Variants in BCORL1 observed in about 807,000 individuals in gnomAD.
BCORL1 encodes the protein BCL6 corepressor like 1.
BCORL1 carries 7 observed loss-of-function variants against 87.6 expected under a neutral mutation model. The ratio of observed to expected loss-of-function variants is 0.08; its 90% CI spans 0.05 to 0.15. The LOEUF is 0.15. Among genes scored for constraint, BCORL1 ranks in the 10% least tolerant of loss-of-function variants. BCORL1 has a pLI of 1.00. For missense variants in BCORL1, 1,215 were observed against 1,499.7 expected, an observed-to-expected ratio of 0.81 and a Z score of 3.13; for synonymous variants, 591 against 634.4, an observed-to-expected ratio of 0.93 and a Z score of 1.03.
chrX:130,004,350 T>C (rs1408762064), intron 1 of BCORL1, among the ~76,000 whole-genome samples: 1 of 106,403 alleles, frequency 9.4e-6, no homozygotes, highest in Admixed American at 1.0e-4. Context: ...GTTCAAGCGA[T>C]TCTTGTGCCT....
intron 2 of BCORL1, among the ~76,000 whole-genome samples, chrX:130,009,144 G>A (rs1928751246): frequency 1.8e-5 from 2 of 111,163 alleles, no homozygotes; most frequent in African/African-American, 3.3e-5. Flanking sequence ...AGTTTGAGGT[G>A]AGAGCTGGTA....
At chrX:130,051,529 C>T (rs991720525) in intron 12 of BCORL1, among the ~76,000 whole-genome samples, 5 of 112,965 alleles carry the variant, frequency 4.4e-5, no homozygotes, top group Non-Finnish European at 9.4e-5. Flanking sequence ...TTACCTTGCC[C>T]TTGTCTGCTG....
chrX:130,019,256 G>A (rs747998261), intron 4 of BCORL1, among the ~76,000 whole-genome samples: 2 of 112,338 alleles, frequency 1.8e-5, no homozygotes, highest in Admixed American at 9.4e-5. Flanking sequence ...TTGAGCCACC[G>A]CGCCCTGCTA....
chrX:130,013,395 C>G lies in BCORL1; in HGVS notation c.623C>G (p.Pro208Arg). Residue 208 changes from proline to arginine, a missense_variant, in exon 4 of 14, where the codon CCC becomes CGC. Around this residue, in one of 5 missense-constraint regions of BCORL1, gnomAD observed 861 missense variants for 1,010.0 expected, o/e 0.85. Transcript: ENST00000540052. ...CCAGCCCCTATCTGTCCCCCTGCTCCCGGTTCGGCCTCTGTGCCCCACTCT... is the reference window on the plus strand; with the variant it reads ...CCAGCCCCTATCTGTCCCCCTGCTCGCGGTTCGGCCTCTGTGCCCCACTCT... ...PLPAPICPPAPGSASVPHSVP... is the reference protein window; with the variant it reads ...PLPAPICPPARGSASVPHSVP... 2 of 1,211,268 alleles carry G rather than the reference C, an allele frequency of 1.7e-6. No individual in the cohort carries two copies. Among genetic ancestry groups the G allele is most frequent in the Non-Finnish European group, 2.2e-6 (2 of 895,284 alleles).
rs182897168 is a variant in BCORL1 at position 130,004,565 on chromosome X, G to A, written c.-44-623G>A. ...CTGCCGAAACACGTAGTTCTGGATGGAACGTTGTTTTCTGTTTGTTTGCTT... is the reference window on the plus strand; with the variant it reads ...CTGCCGAAACACGTAGTTCTGGATGAAACGTTGTTTTCTGTTTGTTTGCTT... On this transcript the variant is annotated intron_variant, in intron 1 of 13. Transcript: ENST00000540052. Among the ~76,000 whole-genome samples, 443 of 112,190 alleles carry A rather than the reference G, an allele frequency of 3.9e-3. 2 individuals carry two copies. The highest frequency in any genetic ancestry group is 6.8e-3 in the Non-Finnish European group (362 of 53,261).
chrX:130,026,157 C>T (rs1930233225), intron 7 of BCORL1, among the ~76,000 whole-genome samples: 1 of 111,886 alleles, frequency 8.9e-6, no homozygotes, highest in Non-Finnish European at 1.9e-5. Context: ...TTTATAAGAA[C>T]ACCTCTGTCT....
At chrX:129,986,854 G>C (rs1419125467) in intron 1 of BCORL1, among the ~76,000 whole-genome samples, 12 of 110,961 alleles carry the variant, frequency 1.1e-4, no homozygotes, top group South Asian at 7.4e-4. Flanking sequence ...AACAAAAAAA[G>C]AAAAAAGAAA....
intron 1 of BCORL1, among the ~76,000 whole-genome samples, chrX:129,986,635 A>G (rs762484189): frequency 1.8e-5 from 2 of 111,307 alleles, no homozygotes; most frequent in African/African-American, 6.5e-5. Context: ...CCTGGCCAAC[A>G]TGGTGAAACC....
chrX:130,025,488 T>A, intron 7 of BCORL1, 109 bp downstream of exon 7: 2 of 745,196 alleles, frequency 2.7e-6, no homozygotes, highest in South Asian at 6.2e-5. Flanking sequence ...AACCCGGTGC[T>A]ATGATCTCCA....
intron 10 of BCORL1, among the ~76,000 whole-genome samples, chrX:130,038,499 TGA>T (rs1931096683): frequency 2.8e-5 from 3 of 106,414 alleles, no homozygotes; most frequent in African/African-American, 1.1e-4. Context: ...TTTTTTTTTT[TGA>T]GATGGAGTCT....
chrX:130,001,168 T>G (rs1928018155), intron 1 of BCORL1, among the ~76,000 whole-genome samples: 1 of 111,275 alleles, frequency 9.0e-6, no homozygotes, highest in Non-Finnish European at 1.9e-5. Flanking sequence ...TTGGCTCACC[T>G]CAACCTCCGC....
At position 130,014,215 on chromosome X, in the gene BCORL1, G is replaced by T; in HGVS notation, c.1443G>T (p.Leu481=). The change falls in exon 4 of 14, where the codon CTG becomes CTT. Residue 481 remains leucine (L), a synonymous_variant. Coordinates refer to ENST00000540052, the MANE Select transcript of BCORL1 (RefSeq NM_001379451.1). The stretch of plus-strand genomic sequence containing the variant: ...CCTCCACTCTTACGCTCCCTGTCCT[G>T]CCGTCCTACCTGCAGGACAGGTGTC... The part of the protein sequence containing the change: ...GVSSTLTLPV[L]PSYLQDRCLP... The T allele has an allele frequency of 3.3e-6, 4 of 1,210,748 alleles. No homozygotes were observed. Among genetic ancestry groups the T allele is most frequent in the Non-Finnish European group, 4.5e-6 (4 of 895,171 alleles).
rs773841000 is a variant in BCORL1 at position 130,014,000 on chromosome X, C to T, written c.1228C>T (p.Pro410Ser). Residue 410 changes from proline to serine, a missense_variant, in exon 4 of 14, where the codon CCC becomes TCC. By Grantham distance (74) the Pro-to-Ser change is moderately conservative. Transcript: ENST00000540052. ...ATPAAIPTSA[P>S]IPASFSLSRV... The stretch of plus-strand genomic sequence containing the variant: ...GCCAGCTGCCATTCCCACCTCTGCA[C>T]CCATCCCGGCCTCCTTCAGTTTGAG... 1 of 1,210,706 alleles carries T rather than the reference C, an allele frequency of 8.3e-7. No homozygotes were observed. The highest frequency in any genetic ancestry group is 1.8e-5 in the South Asian group (1 of 56,830).
chrX:130,033,233 C>T (rs1009834606), intron 8 of BCORL1, among the ~76,000 whole-genome samples: 2 of 110,608 alleles, frequency 1.8e-5, no homozygotes, highest in African/African-American at 6.6e-5. Flanking sequence ...AGGCGTGTAC[C>T]ACCACGCCCA....
rs764962830 is a variant in BCORL1, at chrX:130,037,292, G to C, written c.4528-75G>C. The C allele has an allele frequency of 3.8e-6, 4 of 1,056,346 alleles. No individual in the cohort carries two copies. In the Admixed American group the frequency reaches 8.8e-5, roughly 23 times the overall value. The allele number at this position is 1,056,346 out of a possible 1,213,427, so 87.1% of individuals were successfully genotyped here. ...CTGAGACTCCTCAGATATTTGGGGA[G>C]CTTTGAGTCTCAGGGTTATATAAGT... On this transcript the variant is annotated intron_variant, in intron 9 of 13. Transcript: ENST00000540052.
chrX:130,052,664 C>T (rs1382992159), intron 13 of BCORL1, among the ~76,000 whole-genome samples: 2 of 112,453 alleles, frequency 1.8e-5, no homozygotes, highest in Non-Finnish European at 3.8e-5. Flanking sequence ...TTGGGTTTCC[C>T]CACATGTCAG....
chrX:130,013,659 C>T lies in BCORL1; in HGVS notation c.887C>T (p.Pro296Leu). ...TCTGCTCCCCCTTCAGGCCCGGTTC[C>T]CTTGTCGGCTCCAGCTCCTGCCCCG... ...PASAPPSGPV[P>L]LSAPAPAPLS... Residue 296 changes from proline to leucine, a missense_variant, in exon 4 of 14, where the codon CCC (proline) becomes CTC (leucine). This residue lies in a region of BCORL1 where 861 missense variants were observed against 1,010.0 expected (regional missense o/e 0.85). Transcript: ENST00000540052. The T allele has an allele frequency of 8.3e-7, 1 of 1,211,577 alleles. No individual in the cohort carries two copies. The highest frequency in any genetic ancestry group is 1.1e-6 in the Non-Finnish European group (1 of 895,537).
upstream of BCORL1, among the ~76,000 whole-genome samples, chrX:129,982,449 G>T (rs1363962013): frequency 9.4e-6 from 1 of 106,052 alleles, no homozygotes. Context: ...CCCTCCCTTC[G>T]CCTCCTCCTC....
chrX:130,037,230 A>G, intron 9 of BCORL1, 137 bp from the exon 10 acceptor site: 1 of 624,906 alleles, frequency 1.6e-6, no homozygotes, highest in Middle Eastern at 3.6e-4. Context: ...TGTTAATGAA[A>G]GATTTTGAAG....
Sources: gnomAD v4.1 joint callset for allele counts (sites outside exome capture counted in the v4.1 genomes callset) on GRCh38, gnomAD v4.1.1 for gene constraint, gnomAD v4.1.1 regional missense constraint, MANE v1.5 for transcripts, NCBI Gene and HGNC (gene_info 2026-07-23, HGNC 2026-07-21) for gene names.